Variants in CCDC102B observed in about 807,000 individuals in gnomAD.
The protein encoded by CCDC102B is coiled-coil domain containing 102B, also known as coiled-coil domain-containing protein 102B.
Under a neutral mutation model 57.4 loss-of-function variants are expected in CCDC102B, and 75 were observed. The ratio of observed to expected loss-of-function variants is 1.31; its 90% confidence interval spans 1.08 to 1.58. The LOEUF (loss-of-function observed/expected upper bound fraction) is 1.58. Among genes scored for constraint, CCDC102B ranks in the 40% most tolerant of loss-of-function variants. CCDC102B has a pLI of 0.00. For missense variants in CCDC102B, 636 were observed against 582.6 expected (o/e 1.09, Z -0.94); for synonymous variants, 206 against 201.9 (o/e 1.02, Z -0.17).
chr18:68,746,835 C>T (rs1005362838), intron 2 of CCDC102B, among the ~76,000 whole-genome samples: 1 of 151,690 alleles, frequency 6.6e-6, no homozygotes, highest in African/African-American at 2.4e-5. Flanking sequence ...TATAGATATT[C>T]CCATAAATAT....
At chr18:68,999,713 T>C (rs553557777) in intron 6 of CCDC102B, among the ~76,000 whole-genome samples, 1 of 152,326 alleles carries the variant, frequency 6.6e-6, no homozygotes, top group South Asian at 2.1e-4. Flanking sequence ...CTCATGTCTG[T>C]CTTATGTTGC....
chr18:68,716,799 C>T (rs1451576396), intron 2 of CCDC102B, among the ~76,000 whole-genome samples: 1 of 151,832 alleles, frequency 6.6e-6, no homozygotes, highest in East Asian at 1.9e-4. Flanking sequence ...CCAGATGTGG[C>T]CTGGCGCGGT....
chr18:68,925,659 T>A (rs1273214484), intron 6 of CCDC102B, among the ~76,000 whole-genome samples: 1 of 152,054 alleles, frequency 6.6e-6, no homozygotes, highest in Non-Finnish European at 1.5e-5. Flanking sequence ...TTTCATTTTG[T>A]ACTTATAGGT....
At chr18:68,863,467 C>G (rs1167547473) in intron 4 of CCDC102B, among the ~76,000 whole-genome samples, 1 of 151,950 alleles carries the variant, frequency 6.6e-6, no homozygotes, top group African/African-American at 2.4e-5. Context: ...GCAGACTGAT[C>G]CTCATTGCCT....
rs1456607936 is a variant in CCDC102B, at chr18:68,913,343, T to TGTGTGTGTGTGTGG, written c.1263+15916_1263+15917insTGTGTGTGTGTGGG. Among the ~76,000 whole-genome samples, 352 of 151,440 alleles carry TGTGTGTGTGTGTGG rather than the reference T, an allele frequency of 2.3e-3. 5 individuals are homozygous for TGTGTGTGTGTGTGG. The highest frequency in any genetic ancestry group is 8.2e-3 in the African/African-American group (339 of 41,208). On this transcript the variant is annotated intron_variant, in intron 6 of 7. Transcript: ENST00000360242. The stretch of plus-strand genomic sequence containing the variant: ...GTGTGTGTGTGTGTGTGTGTGTGTG[T>TGTGTGTGTGTGTGG]GGTCCTACTTTAAGAAAAACCAGCC...
At chr18:68,761,503 T>C (rs1374215849) in intron 2 of CCDC102B, among the ~76,000 whole-genome samples, 1 of 151,614 alleles carries the variant, frequency 6.6e-6, no homozygotes, top group Non-Finnish European at 1.5e-5. Flanking sequence ...AAATTCTCAA[T>C]TTTAAAATAA....
intron 7 of CCDC102B, among the ~76,000 whole-genome samples, chr18:69,033,979 G>A (rs998091771): frequency 2.0e-5 from 3 of 151,718 alleles, no homozygotes; most frequent in African/African-American, 7.3e-5. Flanking sequence ...TGTGCTAACT[G>A]GCCATTTGTA....
At chr18:69,017,238 C>T (rs1411211919) in intron 7 of CCDC102B, among the ~76,000 whole-genome samples, 1 of 152,080 alleles carries the variant, frequency 6.6e-6, no homozygotes, top group African/African-American at 2.4e-5. Context: ...ACCTCAGCCC[C>T]GCAAATAGCT....
intron 2 of CCDC102B, among the ~76,000 whole-genome samples, chr18:68,763,945 G>C (rs2034341049): frequency 1.3e-5 from 2 of 151,962 alleles, no homozygotes; most frequent in Non-Finnish European, 2.9e-5. Flanking sequence ...CAATGCATTA[G>C]AACCTTGATC....
At chr18:69,040,533 T>G (rs1312352403) in intron 7 of CCDC102B, among the ~76,000 whole-genome samples, 1 of 151,806 alleles carries the variant, frequency 6.6e-6, no homozygotes, top group Non-Finnish European at 1.5e-5. Flanking sequence ...GATCAAGCAA[T>G]AGGATTATTG....
chr18:68,858,881 G>A (rs994345717), intron 4 of CCDC102B: 3 of 152,186 alleles, frequency 2.0e-5, no homozygotes, highest in Non-Finnish European at 4.4e-5. Context: ...CCTTAAAGGG[G>A]CAGAGAAATA....
chr18:68,822,318 T>G (rs532978), intron 1 of CCDC102B, among the ~76,000 whole-genome samples: 1 of 151,738 alleles, frequency 6.6e-6, no homozygotes, highest in Admixed American at 6.6e-5. Flanking sequence ...CACTTGAACC[T>G]GGGAGGCGTA....
intron 6 of CCDC102B, among the ~76,000 whole-genome samples, chr18:68,949,535 C>A (rs4147354): frequency 0.9 from 137,634 of 152,110 alleles, 62,319 homozygotes; most frequent in East Asian, 0.99. Context: ...TAGAGGAAAC[C>A]ATCCCTCAGG....
In CCDC102B at chr18:68,891,441, A is replaced by T. The variant is rs544449830; in HGVS notation, c.1054-5778A>T. Among the ~76,000 whole-genome samples, 10 of 152,328 alleles carry T rather than the reference A, an allele frequency of 6.6e-5. No homozygotes were observed. The East Asian group carries it at 1.9e-3, about 29-fold the overall frequency. ...TTTCCATGTGGTGATTTTATGCAAA[A>T]TATTTGTATAAGCTGCAGAGCTTTG... On this transcript the variant is annotated intron_variant, in intron 5 of 7. Coordinates refer to ENST00000360242, the MANE Select transcript of CCDC102B (RefSeq NM_024781.3).
intron 6 of CCDC102B, among the ~76,000 whole-genome samples, chr18:69,009,669 T>A (rs919233588): frequency 1.1e-4 from 17 of 152,000 alleles, no homozygotes; most frequent in Admixed American, 8.5e-4. Context: ...TATTTTTTAC[T>A]TTTGGATCAT....
chr18:68,752,032 C>A (rs138795939), intron 2 of CCDC102B, among the ~76,000 whole-genome samples: 1 of 152,068 alleles, frequency 6.6e-6, no homozygotes, highest in Non-Finnish European at 1.5e-5. Context: ...GAGGCCAAGG[C>A]GGGCAGATCA....
intron 6 of CCDC102B, among the ~76,000 whole-genome samples, chr18:68,979,617 G>T (rs2145287213): frequency 6.6e-6 from 1 of 152,116 alleles, no homozygotes; most frequent in Middle Eastern, 3.4e-3. Context: ...AGGATAAAAT[G>T]CAGTTCCCTT....
At chr18:68,866,757 A>C in intron 4 of CCDC102B, 1 of 638,540 alleles carries the variant, frequency 1.6e-6, no homozygotes, top group Non-Finnish European at 3.0e-6. Context: ...CTTTGAGTGC[A>C]CGGGTCTGTC....
chr18:68,793,278 T>C (rs1244345107), upstream of CCDC102B, among the ~76,000 whole-genome samples: 2 of 152,208 alleles, frequency 1.3e-5, no homozygotes, highest in Admixed American at 1.3e-4. Flanking sequence ...TCATTAAAAT[T>C]GTAGCCATTA....
Sources: allele counts gnomAD v4.1 joint callset (sites outside exome capture counted in the v4.1 genomes callset), GRCh38; gene constraint gnomAD v4.1.1; transcripts MANE v1.5; gene names NCBI Gene and HGNC (gene_info 2026-07-23, HGNC 2026-07-21).